CACNA1A: variants seen among roughly 807,000 people sequenced by gnomAD.
CACNA1A encodes the protein calcium voltage-gated channel subunit alpha1 A, also known as voltage-dependent P/Q-type calcium channel subunit alpha-1A.
In CACNA1A, 57 loss-of-function variants were observed where a neutral mutation model predicts 262.4. That is an observed-to-expected ratio of 0.22 (90% CI 0.18 to 0.27). The LOEUF is 0.27. CACNA1A is among the 10% of genes least tolerant of loss of function. The probability of loss-of-function intolerance (pLI) is 1.00; values close to 1 mark genes in which losing one functional copy is unlikely to be tolerated. For synonymous variants in CACNA1A, 1,431 were observed against 1,419.3 expected (o/e 1.01, Z -0.18); for missense variants, 2,526 against 3,562.8 (o/e 0.71, Z 7.41).
chr19:13,328,169 C>T (rs1203073635), intron 10 of CACNA1A, among the ~76,000 whole-genome samples: 2 of 151,922 alleles, frequency 1.3e-5, no homozygotes, highest in African/African-American at 4.8e-5. Flanking sequence ...CCTCCCAAAG[C>T]AGTGGGATTA....
chr19:13,494,257 G>C (rs994654226), intron 1 of CACNA1A, among the ~76,000 whole-genome samples: 1 of 152,170 alleles, frequency 6.6e-6, no homozygotes, highest in Non-Finnish European at 1.5e-5. Context: ...ATTTTTTTGT[G>C]GATGAGAGAG....
intron 30 of CACNA1A, among the ~76,000 whole-genome samples, chr19:13,250,176 C>T (rs947812906): frequency 1.3e-5 from 2 of 151,252 alleles, no homozygotes; most frequent in South Asian, 2.1e-4. Flanking sequence ...GCTTGGGCCT[C>T]AGCCTCACGA....
At chr19:13,445,273 T>C (rs761454413) in intron 3 of CACNA1A, among the ~76,000 whole-genome samples, 16 of 152,208 alleles carry the variant, frequency 1.1e-4, no homozygotes, top group Non-Finnish European at 2.4e-4. Flanking sequence ...AGACAGTTTA[T>C]AGACCCTTCT....
chr19:13,312,866 T>C, intron 11 of CACNA1A, 85 bp from the exon 12 acceptor site: 2 of 644,412 alleles, frequency 3.1e-6, no homozygotes, highest in Non-Finnish European at 5.3e-6. Context: ...CCTTTTATTA[T>C]CATTTTTAAA....
At chr19:13,399,638 C>T (rs1568607952) in intron 3 of CACNA1A, among the ~76,000 whole-genome samples, 1 of 152,162 alleles carries the variant, frequency 6.6e-6, no homozygotes, top group Non-Finnish European at 1.5e-5. Flanking sequence ...CAAGCCCCAG[C>T]AATCTCCTTT....
chr19:13,437,346 C>CG (rs1555786907), intron 3 of CACNA1A, among the ~76,000 whole-genome samples: 1 of 152,144 alleles, frequency 6.6e-6, no homozygotes, highest in Non-Finnish European at 1.5e-5. Flanking sequence ...ACGCCGGCCT[C>CG]GGTTTCCATA....
At chr19:13,453,111 T>C in intron 2 of CACNA1A, 96 bp from the exon 3 acceptor site, 1 of 1,283,114 alleles carries the variant, frequency 7.8e-7, no homozygotes, top group Non-Finnish European at 1.1e-6. Flanking sequence ...CCTATCACCC[T>C]CTCACTTCCC....
intron 3 of CACNA1A, among the ~76,000 whole-genome samples, chr19:13,447,587 T>C (rs1302836032): frequency 6.6e-6 from 1 of 152,140 alleles, no homozygotes; most frequent in African/African-American, 2.4e-5. Flanking sequence ...CGATAGCCCA[T>C]CTGAAGGATG....
intron 6 of CACNA1A, among the ~76,000 whole-genome samples, chr19:13,342,065 T>C (rs2145170075): frequency 6.6e-6 from 1 of 152,262 alleles, no homozygotes; most frequent in East Asian, 1.9e-4. Flanking sequence ...GGGAGTGGGC[T>C]TCTGCTGCCT....
intron 6 of CACNA1A, among the ~76,000 whole-genome samples, chr19:13,336,584 A>AGAGAGACAGG (rs2058570135): frequency 3.9e-5 from 4 of 101,884 alleles, no homozygotes; most frequent in Non-Finnish European, 8.2e-5. Context: ...AGAGAGACAG[A>AGAGAGACAGG]GAGAGAGAGG....
chr19:13,414,866 G>C (rs926126327), intron 3 of CACNA1A, among the ~76,000 whole-genome samples: 91 of 152,118 alleles, frequency 6.0e-4, no homozygotes, highest in African/African-American at 2.2e-3. Context: ...CAGAGGCTGA[G>C]GGGGGAGGAT....
chr19:13,318,888 A>ATT (rs1600317762), intron 10 of CACNA1A, among the ~76,000 whole-genome samples: 1 of 94,684 alleles, frequency 1.1e-5, no homozygotes, highest in Non-Finnish European at 2.0e-5. Context: ...TCTAAAATAC[A>ATT]TCTTTTTTTT....
At chr19:13,312,508 T>A in intron 12 of CACNA1A, 161 bp downstream of exon 12, 1 of 566,382 alleles carries the variant, frequency 1.8e-6, no homozygotes, top group South Asian at 2.4e-5. Flanking sequence ...GGGTACACTG[T>A]ATCCTTGCCA....
In CACNA1A at chr19:13,308,427, G is replaced by A. The variant is rs2145005492; in HGVS notation, c.1770C>T (p.Phe590=). The A allele has an allele frequency of 1.2e-6, 2 of 1,604,768 alleles. No individual in the cohort carries two copies. Among genetic ancestry groups the A allele is most frequent in the Non-Finnish European group, 8.5e-7 (1 of 1,174,398 alleles). The change falls in exon 13 of 47, where the codon TTC becomes TTT. Residue 590 remains phenylalanine, a synonymous_variant. Coordinates refer to ENST00000360228, the MANE Select transcript of CACNA1A (RefSeq NM_001127222.2). The surrounding 1 kb of genome is among the most constrained non-coding windows in gnomAD (Gnocchi z 4.2). The stretch of plus-strand genomic sequence containing the variant: ...CCCCAAAGACTTACTTTGTGACTTT[G>A]AAAATACGCAATAACCTGAGGGCTC... ...VLRALRLLRI[F]KVTKYWASLR...
At position 13,209,304 on chromosome 19, in the gene CACNA1A, C is replaced by G; in HGVS notation, c.6526+8G>C. On this transcript the variant is annotated splice_region_variant and intron_variant, in intron 45 of 46. Coordinates refer to ENST00000360228, the MANE Select transcript of CACNA1A (RefSeq NM_001127222.2). ...CTGCTTGTCCCTGAGCACCACAGGG[C>G]TGCCCACCTGTGTCCACATCGGTGT... is the stretch of plus-strand genomic sequence containing the variant. 4.2e-6 allele frequency: 6 copies of G among 1,426,136 alleles called. No homozygotes were observed. Among genetic ancestry groups the G allele is most frequent in the South Asian group, 1.6e-5 (1 of 64,174 alleles). The allele number at this position is 1,426,136 out of a possible 1,614,324, so 88.3% of individuals were successfully genotyped here. A position where few individuals can be genotyped will look rare whatever the true frequency, so the allele number is the denominator to read the frequency against.
intron 44 of CACNA1A, among the ~76,000 whole-genome samples, chr19:13,209,999 C>T (rs1419873365): frequency 6.6e-6 from 1 of 152,090 alleles, no homozygotes; most frequent in African/African-American, 2.4e-5. Flanking sequence ...GCTTTGGGTC[C>T]TCCCGGCTAA....
At chr19:13,423,673 G>C (rs1280871981) in intron 3 of CACNA1A, among the ~76,000 whole-genome samples, 2 of 151,656 alleles carry the variant, frequency 1.3e-5, no homozygotes, top group African/African-American at 4.8e-5. Context: ...CACCACGCCT[G>C]GTTAATTTTT....
intron 1 of CACNA1A, among the ~76,000 whole-genome samples, chr19:13,464,543 ATTTTT>A (rs540418372): frequency 0.073 from 9,456 of 128,914 alleles, 462 homozygotes; most frequent in Admixed American, 0.12. Flanking sequence ...AACTTTTCCA[ATTTTT>A]TTTTTTTTTT....
At chr19:13,409,494 A>G (rs1254048253) in intron 3 of CACNA1A, among the ~76,000 whole-genome samples, 5 of 152,258 alleles carry the variant, frequency 3.3e-5, no homozygotes, top group Middle Eastern at 3.4e-3. Context: ...AGCATCTAGC[A>G]CAGCGCCTGG....
Sources: allele counts gnomAD v4.1 joint callset (sites outside exome capture counted in the v4.1 genomes callset), GRCh38; gene constraint gnomAD v4.1.1; non-coding constraint Gnocchi (gnomAD v3.1); transcripts MANE v1.5; gene names NCBI Gene and HGNC (gene_info 2026-07-23, HGNC 2026-07-21).